SMIM8: variants seen among roughly 807,000 people sequenced by gnomAD.
The protein encoded by SMIM8 is small integral membrane protein 8, also known as UPF0708 protein C6orf162.
A neutral mutation model predicts 8.1 loss-of-function variants in SMIM8; 8 were observed. That is an observed-to-expected ratio of 0.99 (90% confidence interval 0.58 to 1.78). SMIM8 has a LOEUF of 1.78. Ranked by LOEUF, SMIM8 falls within the 40% of genes most tolerant of loss-of-function variation. The probability of loss-of-function intolerance (pLI) is 0.00; values close to 1 mark genes in which losing one functional copy is unlikely to be tolerated. For synonymous variants in SMIM8, 45 were observed against 39.7 expected, an observed-to-expected ratio of 1.13 and a Z score of -0.50; for missense variants, 126 against 119.8, an observed-to-expected ratio of 1.05 and a Z score of -0.24.
At chr6:87,335,684 A>G (rs1235726602) in intron 2 of SMIM8, among the ~76,000 whole-genome samples, 1 of 152,064 alleles carries the variant, frequency 6.6e-6, no homozygotes. Flanking sequence ...AGTCTATAAA[A>G]TAGTAAGCTT....
At chr6:87,338,343 G>A (rs1207957849) in intron 3 of SMIM8, among the ~76,000 whole-genome samples, 1 of 152,208 alleles carries the variant, frequency 6.6e-6, no homozygotes, top group African/African-American at 2.4e-5. Context: ...ACACTTCAGA[G>A]TAACCTTGGG....
intron 2 of SMIM8, chr6:87,330,957 C>G (rs181372918): frequency 6.6e-6 from 1 of 152,128 alleles, no homozygotes; most frequent in East Asian, 1.9e-4. Flanking sequence ...GCAGGTAGGC[C>G]CGCACACAAA....
At chr6:87,324,734 G>A (rs1776772572) in intron 1 of SMIM8, among the ~76,000 whole-genome samples, 1 of 152,048 alleles carries the variant, frequency 6.6e-6, no homozygotes, top group Non-Finnish European at 1.5e-5. Flanking sequence ...TTTGGCTTAG[G>A]ATTGACTTGG....
At chr6:87,336,815 A>G (rs570753676) in intron 2 of SMIM8, among the ~76,000 whole-genome samples, 194 bp from the exon 3 acceptor site, 4 of 152,090 alleles carry the variant, frequency 2.6e-5, no homozygotes, top group Non-Finnish European at 5.9e-5. Context: ...AATTAAAATA[A>G]TGAACAAAAT....
rs563334803 is a variant in SMIM8, at chr6:87,325,735, GT to G, written c.-45+3105del. Among the ~76,000 whole-genome samples the G allele has an allele frequency of 4.7e-3, 715 of 152,130 alleles. 5 individuals carry two copies. The highest frequency in any genetic ancestry group is 0.016 in the African/African-American group (668 of 41,502). On this transcript the variant is annotated intron_variant, in intron 1 of 3. Transcript: ENST00000392863. ...TATTGGTCTAAAATTCTCTTTTTTG[GT>G]TGTGTCTCTGCCCGGCTTTCATATC...
intron 2 of SMIM8, among the ~76,000 whole-genome samples, chr6:87,332,319 C>CATATATATATATATATATATATA (rs1562223234): frequency 3.1e-5 from 3 of 97,306 alleles, no homozygotes; most frequent in African/African-American, 1.4e-4. Flanking sequence ...TCCTCCCCCC[C>CATATATATATATATATATATATA]CATATATGTA....
intron 1 of SMIM8, chr6:87,329,214 T>A (rs981694080): frequency 1.3e-5 from 2 of 154,594 alleles, no homozygotes; most frequent in African/African-American, 4.8e-5. Context: ...ACCCATCTTC[T>A]GCGTTGCTCA....
chr6:87,339,778 C>G (rs1193045470), intron 3 of SMIM8, among the ~76,000 whole-genome samples: 1 of 152,174 alleles, frequency 6.6e-6, no homozygotes, highest in Non-Finnish European at 1.5e-5. Context: ...TCCTCCACTT[C>G]ACCCAGATAA....
Position 87,323,286 on chromosome 6 carries a change from GTTATTA to G in SMIM8, c.-45+659_-45+664del, listed in dbSNP as rs200940145. On this transcript the variant is annotated intron_variant, in intron 1 of 3. Coordinates refer to ENST00000392863, the MANE Select transcript of SMIM8 (RefSeq NM_001042493.3). ...TTTTGTTTTGTTTATTTATTTATTT[GTTATTA>G]TTATAAGTTTTAGGGTACATGTGCA... 3.6e-3 allele frequency among the ~76,000 whole-genome samples: 553 copies of G among 151,928 alleles called. 2 individuals carry two copies. Among genetic ancestry groups the G allele is most frequent in the African/African-American group, 0.013 (532 of 41,492 alleles).
chr6:87,324,749 G>A (rs1174753827), intron 1 of SMIM8, among the ~76,000 whole-genome samples: 4 of 152,144 alleles, frequency 2.6e-5, no homozygotes, highest in South Asian at 4.1e-4. Context: ...ACTTGGCGAT[G>A]TGGGCTCTTT....
intron 1 of SMIM8, among the ~76,000 whole-genome samples, chr6:87,327,622 C>A (rs1470118212): frequency 6.6e-6 from 1 of 151,470 alleles, no homozygotes; most frequent in Non-Finnish European, 1.5e-5. Flanking sequence ...GCCAAGAGAT[C>A]CGCTGTTAGT....
intron 1 of SMIM8, among the ~76,000 whole-genome samples, chr6:87,327,501 C>T (rs1776857997): frequency 1.3e-5 from 2 of 150,400 alleles, no homozygotes; most frequent in African/African-American, 4.9e-5. Context: ...TTTTATTTCT[C>T]CTTCACTTAT....
In SMIM8 at chr6:87,341,353, G is replaced by GCAGAAT. The variant is rs1777229581; in HGVS notation, c.*1080_*1085dup. On this transcript the variant is annotated 3_prime_UTR_variant, in exon 4 of 4. Coordinates refer to ENST00000392863, the MANE Select transcript of SMIM8 (RefSeq NM_001042493.3). ...GGTCAGTACCCACTGGAGGTGAGAA[G>GCAGAAT]CAGAATGGCCTTGGTTGTCCTGGCA... 1 of 396,976 alleles carries GCAGAAT rather than the reference G, an allele frequency of 2.5e-6. No individual in the cohort carries two copies. The highest frequency in any genetic ancestry group is 2.1e-5 in the African/African-American group (1 of 48,190). 24.6% of individuals were successfully genotyped at this position (396,976 alleles called of 1,614,324 possible).
rs149763689 is a variant in SMIM8, at chr6:87,340,485, A to G, written c.*211A>G. ...TTTTCCACAGAGTGAGCGTCATAAT[A>G]TTTTTCTTTCCTTACCTCTTATAAA... is the stretch of plus-strand genomic sequence containing the variant. On this transcript the variant is annotated 3_prime_UTR_variant, in exon 4 of 4. Transcript: ENST00000392863. 204 of 356,346 alleles carry G rather than the reference A, an allele frequency of 5.7e-4. No individual in the cohort carries two copies. Among genetic ancestry groups the G allele is most frequent in the African/African-American group, 4.1e-3 (196 of 47,708 alleles). 22.1% of individuals were successfully genotyped at this position (356,346 alleles called of 1,614,324 possible). A position where few individuals can be genotyped will look rare whatever the true frequency, so the allele number is the denominator to read the frequency against.
At chr6:87,329,546 C>G (rs767864741) in intron 1 of SMIM8, among the ~76,000 whole-genome samples, 16 of 152,222 alleles carry the variant, frequency 1.1e-4, no homozygotes, top group Non-Finnish European at 2.1e-4. Context: ...CCGCTTCGGC[C>G]TCCCAGAGTG....
chr6:87,341,189 A>G lies in SMIM8; in HGVS notation c.*915A>G, dbSNP rs1194838925. On this transcript the variant is annotated 3_prime_UTR_variant, in exon 4 of 4. Coordinates refer to ENST00000392863, the MANE Select transcript of SMIM8 (RefSeq NM_001042493.3). ...GTACCTTTTTTTTCTTTTGAAGTTT[A>G]TATGCCAGCAGGCCTTTTTGTTTTT... 5.3e-6 allele frequency: 2 copies of G among 374,668 alleles called. No homozygotes were observed. The highest frequency in any genetic ancestry group is 9.0e-5 in the Admixed American group (2 of 22,142). The allele number at this position is 374,668 out of a possible 1,614,324, so 23.2% of individuals were successfully genotyped here. A position where few individuals can be genotyped will look rare whatever the true frequency, so the allele number is the denominator to read the frequency against.
intron 2 of SMIM8, among the ~76,000 whole-genome samples, chr6:87,332,640 A>G (rs77762617): frequency 0.052 from 2,502 of 47,712 alleles, 70 homozygotes; most frequent in African/African-American, 0.18. Flanking sequence ...TATCATCCAC[A>G]CAAAGTATAT....
intron 2 of SMIM8, among the ~76,000 whole-genome samples, chr6:87,333,961 G>T (rs1419802893): frequency 6.6e-6 from 1 of 152,198 alleles, no homozygotes; most frequent in Non-Finnish European, 1.5e-5. Context: ...GCCAGCATCT[G>T]CCCCTGGTGA....
At chr6:87,325,825 A>T (rs1021647662) in intron 1 of SMIM8, among the ~76,000 whole-genome samples, 33 of 152,202 alleles carry the variant, frequency 2.2e-4, no homozygotes, top group African/African-American at 8.0e-4. Context: ...TGATTGGAAT[A>T]GTTTCAGAAG....
Sources: gnomAD v4.1 joint callset for allele counts (sites outside exome capture counted in the v4.1 genomes callset) on GRCh38, gnomAD v4.1.1 for gene constraint, MANE v1.5 for transcripts, NCBI Gene and HGNC (gene_info 2026-07-23, HGNC 2026-07-21) for gene names.